Variants in DNAJC10 observed in about 807,000 individuals in gnomAD.
DNAJC10 encodes DnaJ heat shock protein family (Hsp40) member C10.
DNAJC10 carries 101 observed loss-of-function variants against 115.0 expected under a neutral mutation model. The ratio of observed to expected loss-of-function variants is 0.88; its 90% CI spans 0.75 to 1.04. DNAJC10 has a LOEUF of 1.04. DNAJC10 is among the 50% of genes least tolerant of loss of function. The probability of loss-of-function intolerance (pLI) is 0.00; values close to 1 mark genes in which losing one functional copy is unlikely to be tolerated. For missense variants in DNAJC10, 981 were observed against 928.8 expected (o/e 1.06, Z -0.73); for synonymous variants, 307 against 301.5 (o/e 1.02, Z -0.19).
Position 182,759,266 on chromosome 2 carries a change from C to G in DNAJC10, c.2104C>G (p.Pro702Ala), listed in dbSNP as rs1669933043. 1 of 1,610,576 alleles carries G rather than the reference C, an allele frequency of 6.2e-7. No homozygotes were observed. Among genetic ancestry groups the G allele is most frequent in the Non-Finnish European group, 8.5e-7 (1 of 1,179,260 alleles). ...VIDFYAPWCG[P>A]CQNFAPEFEL... ...TGATTTCTATGCTCCTTGGTGTGGA[C>G]CTTGCCAGAATTTTGCTCCAGAATT... Residue 702 changes from proline (P) to alanine (A), a missense_variant, in exon 21 of 24, where the codon CCT becomes GCT. Pro to Ala is a conservative substitution (Grantham distance 27). Transcript: ENST00000264065.
chr2:182,744,112 C>A (rs1187497252), intron 14 of DNAJC10, among the ~76,000 whole-genome samples: 1 of 152,200 alleles, frequency 6.6e-6, no homozygotes, highest in African/African-American at 2.4e-5. Context: ...TCATTAACTG[C>A]CTTGTTATCT....
At chr2:182,775,822 C>A (rs1331189306) in intron 23 of DNAJC10, among the ~76,000 whole-genome samples, 1 of 152,102 alleles carries the variant, frequency 6.6e-6, no homozygotes, top group Non-Finnish European at 1.5e-5. Context: ...TGTTTGAACT[C>A]TGGAAAATGT....
intron 12 of DNAJC10, 52 bp downstream of exon 12, chr2:182,740,440 A>T (rs372245488): frequency 2.0e-4 from 290 of 1,474,104 alleles, no homozygotes; most frequent in Non-Finnish European, 2.5e-4. Context: ...GTAACATTTC[A>T]GGTCTTAACA....
chr2:182,751,130 CTTTTTTTTT>C (rs773393648), intron 14 of DNAJC10, among the ~76,000 whole-genome samples: 22 of 85,180 alleles, frequency 2.6e-4, no homozygotes, highest in Admixed American at 8.7e-4. Context: ...GAGATTTTGA[CTTTTTTTTT>C]TTTTTTTTTT....
rs759129703 is a variant in DNAJC10, at chr2:182,743,748, C to A, written c.1306+36C>A. 2.8e-6 allele frequency: 4 copies of A among 1,414,656 alleles called. No homozygotes were observed. In the Admixed American group the frequency reaches 7.9e-5, roughly 28 times the overall value. The allele number at this position is 1,414,656 out of a possible 1,614,324, so 87.6% of individuals were successfully genotyped here. ...AAAAAAATGATAAAAAAAAACTTAG[C>A]TTCATTTTCAAATAGAAGTTTTCTA... On this transcript the variant is annotated intron_variant, in intron 14 of 23. Transcript: ENST00000264065.
At chr2:182,743,293 C>G (rs757277401) in intron 13 of DNAJC10, among the ~76,000 whole-genome samples, 4 of 152,162 alleles carry the variant, frequency 2.6e-5, no homozygotes, top group Admixed American at 6.5e-5. Flanking sequence ...AAAGTGATCT[C>G]TCCTCTATCT....
At chr2:182,731,610 T>C (rs1311804375) in intron 9 of DNAJC10, among the ~76,000 whole-genome samples, 1 of 152,178 alleles carries the variant, frequency 6.6e-6, no homozygotes. Context: ...AGCCGTAAAC[T>C]GTAAACTGTG....
Position 182,723,037 on chromosome 2 carries a change from CTTTTTTT to C in DNAJC10, c.418+976_418+982del, listed in dbSNP as rs372893280. ...GTTTGTTCCTTCTAAGCAAGGGTGG[CTTTTTTT>C]TTTTTTTTTTTTTGAGACGGAGTCT... On this transcript the variant is annotated intron_variant, in intron 5 of 23. Coordinates refer to ENST00000264065, the MANE Select transcript of DNAJC10 (RefSeq NM_018981.4). Among the ~76,000 whole-genome samples the C allele has an allele frequency of 2.8e-5, 3 of 105,782 alleles. No homozygotes were observed. The East Asian group carries it at 8.1e-4, about 28-fold the overall frequency. 69.4% of individuals were successfully genotyped at this position (105,782 alleles called of 152,430 possible).
chr2:182,751,915 T>A (rs568270565), intron 15 of DNAJC10, 130 bp downstream of exon 15: 88 of 1,279,856 alleles, frequency 6.9e-5, no homozygotes, highest in Non-Finnish European at 1.5e-5. Flanking sequence ...CACTAATGCA[T>A]ATTGCTTTTA....
In DNAJC10 at chr2:182,718,309, T is replaced by C; in HGVS notation, c.204+19T>C. 9 of 1,547,042 alleles carry C rather than the reference T, an allele frequency of 5.8e-6. No individual in the cohort carries two copies. Among genetic ancestry groups the C allele is most frequent in the Non-Finnish European group, 7.8e-6 (9 of 1,147,160 alleles). On this transcript the variant is annotated intron_variant, in intron 3 of 23. Coordinates refer to ENST00000264065, the MANE Select transcript of DNAJC10 (RefSeq NM_018981.4). Reference sequence around the variant, plus strand: ...AAACCCGGTAGGTAAACGTTTGTTTTTAAAAATATTTGATTATATTTTTGG... The same window carrying C: ...AAACCCGGTAGGTAAACGTTTGTTTCTAAAAATATTTGATTATATTTTTGG...
rs753157762 is a variant in DNAJC10, at chr2:182,729,829, T to A, written c.634-19T>A. On this transcript the variant is annotated intron_variant, in intron 7 of 23. Coordinates refer to ENST00000264065, the MANE Select transcript of DNAJC10 (RefSeq NM_018981.4). ...AAAGAAAAAGTAAAAGATGTTTCTCTTCTTACAAAAACCAATAGGCCCCAG... is the reference window on the plus strand; with the variant it reads ...AAAGAAAAAGTAAAAGATGTTTCTCATCTTACAAAAACCAATAGGCCCCAG... 7.9e-6 allele frequency: 12 copies of A among 1,521,014 alleles called. No individual in the cohort carries two copies. Among genetic ancestry groups the A allele is most frequent in the East Asian group, 2.3e-5 (1 of 43,066 alleles). The allele number at this position is 1,521,014 out of a possible 1,614,324, so 94.2% of individuals were successfully genotyped here.
chr2:182,755,061 A>G lies in DNAJC10; in HGVS notation c.1610A>G (p.Tyr537Cys). Residue 537 changes from tyrosine (Y) to cysteine (C), a missense_variant, in exon 17 of 24, where the codon TAT becomes TGT. Transcript: ENST00000264065. Reference protein sequence around the residue: ...VVFNQSNIHEYEGHHSAEQIL... With the variant: ...VVFNQSNIHECEGHHSAEQIL... ...TTCAACCAGTCCAACATTCATGAGTATGAAGGACATCACTCTGCTGAACAA... is the reference window on the plus strand; with the variant it reads ...TTCAACCAGTCCAACATTCATGAGTGTGAAGGACATCACTCTGCTGAACAA... 3.7e-6 allele frequency: 6 copies of G among 1,610,192 alleles called. No individual in the cohort carries two copies. The highest frequency in any genetic ancestry group is 5.1e-6 in the Non-Finnish European group (6 of 1,176,598).
At chr2:182,773,779 T>A (rs947394152) in intron 22 of DNAJC10, among the ~76,000 whole-genome samples, 2 of 152,238 alleles carry the variant, frequency 1.3e-5, no homozygotes, top group Non-Finnish European at 2.9e-5. Flanking sequence ...TCAAACATCC[T>A]TCTTTAGCTC....
In DNAJC10 at chr2:182,728,610, A is replaced by G; in HGVS notation, c.453A>G (p.Val151=). ...TTAATTCTGGAGAACTGTGGTTTGTAAATTTTTACTCCCCAGGCTGTTCAC... is the reference window on the plus strand; with the variant it reads ...TTAATTCTGGAGAACTGTGGTTTGTGAATTTTTACTCCCCAGGCTGTTCAC... ...AAVNSGELWF[V]NFYSPGCSHC... The change falls in exon 6 of 24, where the codon GTA becomes GTG. Residue 151 remains valine, a synonymous_variant. Transcript: ENST00000264065. 6.2e-7 allele frequency: 1 copy of G among 1,612,642 alleles called. No homozygotes were observed. The highest frequency in any genetic ancestry group is 8.5e-7 in the Non-Finnish European group (1 of 1,179,196).
intron 14 of DNAJC10, among the ~76,000 whole-genome samples, chr2:182,750,104 A>C (rs1156938004): frequency 6.6e-6 from 1 of 152,168 alleles, no homozygotes; most frequent in African/African-American, 2.4e-5. Flanking sequence ...CAAGAATGCA[A>C]AGTCAGTATT....
chr2:182,754,948 G>T (rs968415392), intron 16 of DNAJC10, 55 bp from the exon 17 acceptor site: 4 of 1,360,658 alleles, frequency 2.9e-6, no homozygotes, highest in Admixed American at 1.9e-5. Context: ...TTATAAATTT[G>T]TAACAAATAG....
Position 182,744,607 on chromosome 2 carries a change from TC to T in DNAJC10, c.1306+896del, listed in dbSNP as rs530262344. On this transcript the variant is annotated intron_variant, in intron 14 of 23. Coordinates refer to ENST00000264065, the MANE Select transcript of DNAJC10 (RefSeq NM_018981.4). ...GAGGAACTTTGGGGTAAGATAACCCTCACAGTAACTACTGTTTATTCACTGC... is the reference window on the plus strand; with the variant it reads ...GAGGAACTTTGGGGTAAGATAACCCTACAGTAACTACTGTTTATTCACTGC... Among the ~76,000 whole-genome samples, 13 of 152,236 alleles carry T rather than the reference TC, an allele frequency of 8.5e-5. No individual in the cohort carries two copies. The South Asian group carries it at 2.7e-3, about 32-fold the overall frequency.
At position 182,755,036 on chromosome 2, in the gene DNAJC10, T is replaced by C; in HGVS notation, c.1585T>C (p.Phe529Leu). The C allele has an allele frequency of 6.2e-7, 1 of 1,606,812 alleles. No individual in the cohort carries two copies. Among genetic ancestry groups the C allele is most frequent in the Non-Finnish European group, 8.5e-7 (1 of 1,173,476 alleles). ...NIQAYPTTVV[F>L]NQSNIHEYEG... Reference sequence around the variant, plus strand: ...TCAGGCTTATCCAACAACAGTGGTATTCAACCAGTCCAACATTCATGAGTA... The same window carrying C: ...TCAGGCTTATCCAACAACAGTGGTACTCAACCAGTCCAACATTCATGAGTA... The change falls in exon 17 of 24, where the codon TTC becomes CTC. Residue 529 changes from phenylalanine to leucine, a missense_variant. Physicochemically the swap from Phe to Leu is conservative, Grantham distance 22. Coordinates refer to ENST00000264065, the MANE Select transcript of DNAJC10 (RefSeq NM_018981.4).
At chr2:182,760,602 C>A (rs1694263745) in intron 21 of DNAJC10, among the ~76,000 whole-genome samples, 2 of 152,128 alleles carry the variant, frequency 1.3e-5, no homozygotes, top group African/African-American at 4.8e-5. Flanking sequence ...GCAGTCTGAG[C>A]TTTTGGTGTT....
Sources: allele counts gnomAD v4.1 joint callset (sites outside exome capture counted in the v4.1 genomes callset), GRCh38; gene constraint gnomAD v4.1.1; transcripts MANE v1.5; gene names NCBI Gene and HGNC (gene_info 2026-07-23, HGNC 2026-07-21).